The following FANCC variants were observed in gnomAD, a reference collection of about 807,000 sequenced individuals.
The protein encoded by FANCC is Fanconi anemia group C protein.
FANCC carries 55 observed loss-of-function variants against 71.3 expected under a neutral mutation model. The observed-to-expected ratio is 0.77, with a 90% CI of 0.62 to 0.97. The LOEUF (loss-of-function observed/expected upper bound fraction) is 0.97. Ranked by LOEUF, FANCC falls within the 50% of genes least tolerant of loss-of-function variation. The pLI, the probability that FANCC is intolerant of heterozygous loss-of-function variation, is 0.00. For synonymous variants in FANCC, 275 were observed against 244.9 expected (o/e 1.12, Z -1.15); for missense variants, 678 against 670.9 (o/e 1.01, Z -0.12).
Position 95,107,150 on chromosome 9 carries a change from T to C in FANCC, c.1449A>G (p.Ala483=). ...QGTDTDLRAP[A]QQLIRHLLLN... is the part of the protein sequence containing the mutation. ...GGAGAAGGTGCCTGATCAGCTGTTG[T>C]GCAGGAGCTCTGAGGTCTGTGTCTG... Residue 483 remains alanine (A), a synonymous_variant, in exon 14 of 15, where the codon GCA becomes GCG. Coordinates refer to ENST00000289081, the MANE Select transcript of FANCC (RefSeq NM_000136.3). 6.2e-7 allele frequency: 1 copy of C among 1,614,210 alleles called. No homozygotes were observed. Among genetic ancestry groups the C allele is most frequent in the Non-Finnish European group, 8.5e-7 (1 of 1,180,036 alleles).
intron 4 of FANCC, among the ~76,000 whole-genome samples, chr9:95,175,347 C>CA (rs1259392442): frequency 6.6e-6 from 1 of 151,996 alleles, no homozygotes; most frequent in Non-Finnish European, 1.5e-5. Context: ...ACATGATTTA[C>CA]AAAAAAATGA....
At chr9:95,202,605 A>C (rs1285880273) in intron 4 of FANCC, among the ~76,000 whole-genome samples, 3 of 152,264 alleles carry the variant, frequency 2.0e-5, no homozygotes, top group Non-Finnish European at 4.4e-5. Flanking sequence ...TTCTAATTAC[A>C]GAAGTTTCTT....
intron 1 of FANCC, among the ~76,000 whole-genome samples, chr9:95,253,177 C>T (rs1218032271): frequency 1.3e-5 from 2 of 152,208 alleles, no homozygotes; most frequent in Non-Finnish European, 2.9e-5. Context: ...TGCTGCTCCA[C>T]AACCTCTGGG....
chr9:95,231,957 G>A (rs1830035739), intron 4 of FANCC, among the ~76,000 whole-genome samples: 1 of 152,150 alleles, frequency 6.6e-6, no homozygotes, highest in Non-Finnish European at 1.5e-5. Context: ...AAATACCTGA[G>A]ACTGAGTAAT....
At chr9:95,264,216 C>G in intron 1 of FANCC, among the ~76,000 whole-genome samples, 1 of 152,150 alleles carries the variant, frequency 6.6e-6, no homozygotes. Flanking sequence ...CATCTCAGGA[C>G]CTAGTTTGCT....
At chr9:95,183,506 G>C (rs1260512896) in intron 4 of FANCC, among the ~76,000 whole-genome samples, 1 of 152,216 alleles carries the variant, frequency 6.6e-6, no homozygotes, top group Non-Finnish European at 1.5e-5. Context: ...TTGTGACCTT[G>C]TTATAGGAGA....
At chr9:95,246,216 G>T (rs542222523) in intron 3 of FANCC, among the ~76,000 whole-genome samples, 3 of 152,288 alleles carry the variant, frequency 2.0e-5, no homozygotes, top group East Asian at 1.9e-4. Context: ...ACTTGAAGAA[G>T]TTTAGGGGTT....
intron 4 of FANCC, among the ~76,000 whole-genome samples, chr9:95,234,623 A>G (rs566438126): frequency 8.5e-4 from 130 of 152,354 alleles, no homozygotes; most frequent in Non-Finnish European, 1.4e-3. Flanking sequence ...GAACTGGCAT[A>G]AATATAGTAT....
At chr9:95,179,145 T>C (rs1289238444) in intron 4 of FANCC, among the ~76,000 whole-genome samples, 1 of 152,238 alleles carries the variant, frequency 6.6e-6, no homozygotes, top group East Asian at 1.9e-4. Context: ...TGTGTTTTGA[T>C]GTGTTCTTTC....
intron 1 of FANCC, among the ~76,000 whole-genome samples, chr9:95,301,090 C>T (rs1376399106): frequency 6.6e-6 from 1 of 151,362 alleles, no homozygotes; most frequent in Non-Finnish European, 1.5e-5. Flanking sequence ...AATTATTTCT[C>T]GGTTAAGACC....
chr9:95,107,291 G>C, intron 13 of FANCC, 22 bp from the exon 14 acceptor site: 2 of 1,610,764 alleles, frequency 1.2e-6, no homozygotes, highest in South Asian at 2.2e-5. Flanking sequence ...TATTTCACAG[G>C]GGAGAGGTTA....
chr9:95,105,317 C>T (rs1342520565), intron 14 of FANCC, among the ~76,000 whole-genome samples: 3 of 152,184 alleles, frequency 2.0e-5, no homozygotes, highest in Non-Finnish European at 4.4e-5. Context: ...TGGACGGGAG[C>T]AGGAGGGGCC....
chr9:95,099,282 T>A lies in FANCC; in HGVS notation c.*2425A>T, dbSNP rs1174983042. The A allele has an allele frequency of 4.5e-6, 1 of 221,712 alleles. No individual in the cohort carries two copies. Among genetic ancestry groups the A allele is most frequent in the Non-Finnish European group, 9.0e-6 (1 of 111,068 alleles). 13.7% of individuals were successfully genotyped at this position (221,712 alleles called of 1,614,324 possible). On this transcript the variant is annotated 3_prime_UTR_variant, in exon 15 of 15. Transcript: ENST00000289081. ...AGGGAGAGTCTACAAAAACTCCTGC[T>A]AGAGTAAGGTCAGATTCCAGACCCT... is the stretch of plus-strand genomic sequence containing the variant.
intron 7 of FANCC, among the ~76,000 whole-genome samples, chr9:95,148,532 A>G (rs1312020735): frequency 6.6e-6 from 1 of 152,240 alleles, no homozygotes; most frequent in Non-Finnish European, 1.5e-5. Flanking sequence ...ATCTTGGAAA[A>G]TCTATGTCCA....
At chr9:95,168,203 T>C (rs1564716063) in intron 6 of FANCC, among the ~76,000 whole-genome samples, 4 of 152,208 alleles carry the variant, frequency 2.6e-5, no homozygotes, top group Admixed American at 2.0e-4. Flanking sequence ...TCTCTGTCAG[T>C]GCTGTGAGTC....
At chr9:95,173,359 G>A (rs1466098654) in intron 4 of FANCC, among the ~76,000 whole-genome samples, 2 of 152,140 alleles carry the variant, frequency 1.3e-5, no homozygotes, top group Non-Finnish European at 2.9e-5. Flanking sequence ...CTAGAGGTTT[G>A]TCACCTGAAC....
intron 1 of FANCC, among the ~76,000 whole-genome samples, chr9:95,261,603 C>A (rs940675607): frequency 6.6e-6 from 1 of 152,180 alleles, no homozygotes; most frequent in Non-Finnish European, 1.5e-5. Flanking sequence ...TCTTTTAGTG[C>A]ATTTACCCAG....
chr9:95,100,370 A>C lies in FANCC; in HGVS notation c.*1337T>G, dbSNP rs1391299876. ...CTGGAATTTTCCAGATCTTCAGTGG[A>C]TCTATTAGCATTGCCACATACCAAA... On this transcript the variant is annotated 3_prime_UTR_variant, in exon 15 of 15. Coordinates refer to ENST00000289081, the MANE Select transcript of FANCC (RefSeq NM_000136.3). 5 of 231,600 alleles carry C rather than the reference A, an allele frequency of 2.2e-5. No individual in the cohort carries two copies. Among genetic ancestry groups the C allele is most frequent in the Non-Finnish European group, 3.4e-5 (4 of 117,052 alleles). The allele number at this position is 231,600 out of a possible 1,614,324, so 14.3% of individuals were successfully genotyped here. A position where few individuals can be genotyped will look rare whatever the true frequency, so the allele number is the denominator to read the frequency against.
intron 4 of FANCC, among the ~76,000 whole-genome samples, chr9:95,217,125 C>G (rs1828911711): frequency 6.6e-6 from 1 of 152,088 alleles, no homozygotes; most frequent in South Asian, 2.1e-4. Flanking sequence ...TCAGACACAA[C>G]AAAATTAAAT....
Sources: allele counts gnomAD v4.1 joint callset (sites outside exome capture counted in the v4.1 genomes callset), GRCh38; gene constraint gnomAD v4.1.1; transcripts MANE v1.5; gene names NCBI Gene and HGNC (gene_info 2026-07-23, HGNC 2026-07-21).